GLDN: variants seen among roughly 807,000 people sequenced by gnomAD.
GLDN encodes the protein gliomedin, also known as collomin.
Under a neutral mutation model 56.5 loss-of-function variants are expected in GLDN, and 47 were observed. The ratio of observed to expected loss-of-function variants is 0.83; its 90% CI spans 0.66 to 1.06. GLDN has a LOEUF of 1.06. GLDN is among the 50% of genes least tolerant of loss of function. GLDN has a pLI of 0.00. For synonymous variants in GLDN, 332 were observed against 278.8 expected (o/e 1.19, Z -1.90); for missense variants, 782 against 714.3 (o/e 1.09, Z -1.08).
intron 1 of GLDN, among the ~76,000 whole-genome samples, chr15:51,344,645 C>T (rs2036945572): frequency 6.6e-6 from 1 of 152,090 alleles, no homozygotes; most frequent in Non-Finnish European, 1.5e-5. Context: ...GATCCAAGGT[C>T]CTCACTGTGA....
intron 1 of GLDN, among the ~76,000 whole-genome samples, chr15:51,344,741 T>C (rs1364332075): frequency 2.6e-5 from 4 of 152,138 alleles, no homozygotes; most frequent in African/African-American, 9.7e-5. Context: ...TCCAGAATGG[T>C]TCATTTATCC....
chr15:51,356,132 G>A (rs898347177), intron 1 of GLDN, among the ~76,000 whole-genome samples: 3 of 151,698 alleles, frequency 2.0e-5, no homozygotes, highest in South Asian at 2.1e-4. Context: ...TCTTAAACCC[G>A]GGAGGTGGAG....
intron 6 of GLDN, 34 bp from the exon 7 acceptor site, chr15:51,400,158 G>T (rs567503145): frequency 3.2e-6 from 5 of 1,586,344 alleles, no homozygotes; most frequent in East Asian, 4.5e-5. Flanking sequence ...TGTGCCAACC[G>T]TATCGGCTCT....
rs549879390 is a variant in GLDN at position 51,403,835 on chromosome 15, C to G, written c.1179-442C>G. Among the ~76,000 whole-genome samples, 451 of 152,238 alleles carry G rather than the reference C, an allele frequency of 3.0e-3. 2 individuals are homozygous for G. Among genetic ancestry groups the G allele is most frequent in the Non-Finnish European group, 4.9e-3 (333 of 68,018 alleles). On this transcript the variant is annotated intron_variant, in intron 9 of 9. Transcript: ENST00000335449. ...TCTGCCTCTTACTTGTCTTCATGGG[C>G]CAGTTGCTTCTCATTTTTTGCTTAT...
chr15:51,383,901 G>C lies in GLDN; in HGVS notation c.541+9G>C, dbSNP rs759481889. The C allele has an allele frequency of 1.9e-6, 3 of 1,563,414 alleles. No homozygotes were observed. In the African/African-American group the frequency reaches 4.0e-5, roughly 21 times the overall value. On this transcript the variant is annotated intron_variant, in intron 4 of 9. Transcript: ENST00000335449. ...AAAAAGAGGAAAAATGGGTATTTTT[G>C]GCAACTCTTCTAATTAATTTCCCTG...
At chr15:51,395,257 A>G in intron 5 of GLDN, among the ~76,000 whole-genome samples, 1 of 152,220 alleles carries the variant, frequency 6.6e-6, no homozygotes, top group East Asian at 1.9e-4. Context: ...TCCAAGATAT[A>G]TTGAAATCCA....
intron 4 of GLDN, among the ~76,000 whole-genome samples, chr15:51,389,462 G>T (rs1228001446): frequency 6.6e-6 from 1 of 152,202 alleles, no homozygotes; most frequent in Non-Finnish European, 1.5e-5. Flanking sequence ...TTGGAAGACT[G>T]CTCTATACTT....
At chr15:51,354,828 T>C (rs563802300) in intron 1 of GLDN, among the ~76,000 whole-genome samples, 43 of 152,240 alleles carry the variant, frequency 2.8e-4, no homozygotes, top group African/African-American at 1.0e-3. Context: ...TGTGGTTTTA[T>C]AGGAGGACAG....
chr15:51,356,795 C>A (rs2037195691), intron 1 of GLDN, among the ~76,000 whole-genome samples: 1 of 152,188 alleles, frequency 6.6e-6, no homozygotes, highest in Non-Finnish European at 1.5e-5. Context: ...GTCCTTAATA[C>A]AGTGCCTAGA....
At chr15:51,361,224 C>T (rs1485195684) in intron 1 of GLDN, among the ~76,000 whole-genome samples, 1 of 152,216 alleles carries the variant, frequency 6.6e-6, no homozygotes, top group Non-Finnish European at 1.5e-5. Flanking sequence ...TTCTTCTGCA[C>T]TTATTTGTGT....
intron 1 of GLDN, among the ~76,000 whole-genome samples, chr15:51,355,521 C>CTTT (rs1566936154): frequency 7.0e-6 from 1 of 142,924 alleles, no homozygotes; most frequent in Non-Finnish European, 1.5e-5. Context: ...CTTTTTCTTT[C>CTTT]TTTCTTTTTT....
intron 1 of GLDN, among the ~76,000 whole-genome samples, chr15:51,347,350 A>G (rs534954140): frequency 6.6e-6 from 1 of 152,196 alleles, no homozygotes. Context: ...GTGGCCCAGG[A>G]TGGCTTTGAA....
rs1179125504 is a variant in GLDN, at chr15:51,401,687, C to T, written c.1122C>T (p.His374=). 1.9e-6 allele frequency: 3 copies of T among 1,614,002 alleles called. No individual in the cohort carries two copies. In the African/African-American group the frequency reaches 4.0e-5, roughly 22 times the overall value. Residue 374 remains histidine, a synonymous_variant, in exon 9 of 10, where the codon CAC becomes CAT. Coordinates refer to ENST00000335449, the MANE Select transcript of GLDN (RefSeq NM_181789.4). Reference sequence around the variant, plus strand: ...CATACTATTTCCATGGCTGTGGGCACGTTGTTTACAACAACTCTCTCTACT... The same window carrying T: ...CATACTATTTCCATGGCTGTGGGCATGTTGTTTACAACAACTCTCTCTACT... The part of the protein sequence containing the change: ...HLPYYFHGCG[H]VVYNNSLYYH...
rs978196837 is a variant in GLDN, at chr15:51,394,336, G to A, written c.542-499G>A. 2.2e-4 allele frequency among the ~76,000 whole-genome samples: 33 copies of A among 152,270 alleles called. 1 individual carries two copies. The highest frequency in any genetic ancestry group is 7.7e-4 in the African/African-American group (32 of 41,556). On this transcript the variant is annotated intron_variant, in intron 4 of 9. Coordinates refer to ENST00000335449, the MANE Select transcript of GLDN (RefSeq NM_181789.4). ...TCTCTAAAAATAATCCAGCAGGCCG[G>A]GAGCAGTGGCTCACACCTGTAATTC...
chr15:51,403,055 G>A (rs540476845), intron 9 of GLDN, among the ~76,000 whole-genome samples: 8 of 152,312 alleles, frequency 5.3e-5, no homozygotes, highest in East Asian at 1.9e-4. Context: ...GCAGTTCTGC[G>A]GTGGATAACC....
chr15:51,357,448 G>A (rs773115014), intron 1 of GLDN, among the ~76,000 whole-genome samples: 18 of 152,124 alleles, frequency 1.2e-4, no homozygotes, highest in Admixed American at 4.6e-4. Flanking sequence ...CTATCTTCTC[G>A]CTAGAAATTG....
rs774589773 is a variant in GLDN, at chr15:51,406,010, C to A, written c.*1256C>A. On this transcript the variant is annotated 3_prime_UTR_variant, in exon 10 of 10. Transcript: ENST00000335449. Reference sequence around the variant, plus strand: ...CTCCTGATAAAGAATATAAAGTGAGCCTGATTCTTGAAAAAATCAGAACCA... The same window carrying A: ...CTCCTGATAAAGAATATAAAGTGAGACTGATTCTTGAAAAAATCAGAACCA... 4 of 152,086 alleles carry A rather than the reference C, an allele frequency of 2.6e-5. No individual in the cohort carries two copies. Among genetic ancestry groups the A allele is most frequent in the Non-Finnish European group, 4.4e-5 (3 of 68,012 alleles). The allele number at this position is 152,086 out of a possible 1,614,324, so 9.4% of individuals were successfully genotyped here.
At chr15:51,393,536 G>A (rs1555405390) in intron 4 of GLDN, among the ~76,000 whole-genome samples, 1 of 152,190 alleles carries the variant, frequency 6.6e-6, no homozygotes, top group Non-Finnish European at 1.5e-5. Flanking sequence ...TCCCTCATGT[G>A]TAGAAGTCAT....
chr15:51,373,775 G>T (rs949835540), intron 1 of GLDN, among the ~76,000 whole-genome samples: 1 of 152,198 alleles, frequency 6.6e-6, no homozygotes, highest in Admixed American at 6.5e-5. Flanking sequence ...ACATGGATGG[G>T]TCATGCCTAG....
Sources: allele counts gnomAD v4.1 joint callset (sites outside exome capture counted in the v4.1 genomes callset), GRCh38; gene constraint gnomAD v4.1.1; transcripts MANE v1.5; gene names NCBI Gene and HGNC (gene_info 2026-07-23, HGNC 2026-07-21).